PDE4B: variants seen among roughly 807,000 people sequenced by gnomAD.
The protein encoded by PDE4B is 3',5'-cyclic-AMP phosphodiesterase 4B.
A neutral mutation model predicts 82.2 loss-of-function variants in PDE4B; 20 were observed. The ratio of observed to expected loss-of-function variants is 0.24; its 90% CI spans 0.17 to 0.35. The LOEUF (loss-of-function observed/expected upper bound fraction) is 0.35. Ranked by LOEUF, PDE4B falls within the 10% of genes least tolerant of loss-of-function variation. The probability of loss-of-function intolerance (pLI) is 1.00; values close to 1 mark genes in which losing one functional copy is unlikely to be tolerated. For missense variants in PDE4B, 655 were observed against 907.2 expected, an observed-to-expected ratio of 0.72 and a Z score of 3.57; for synonymous variants, 320 against 318.9, an observed-to-expected ratio of 1.00 and a Z score of -0.04.
In PDE4B at chr1:66,142,507, T is replaced by A. The variant is rs79998259; in HGVS notation, c.282-104953T>A. 3.8e-3 allele frequency among the ~76,000 whole-genome samples: 576 copies of A among 152,272 alleles called. 3 individuals carry two copies. The highest frequency in any genetic ancestry group is 0.012 in the African/African-American group (513 of 41,556). The stretch of plus-strand genomic sequence containing the variant: ...CAACACACTAACAGTGGTTTTTTTT[T>A]AAATTTTTTTGACAGAATGCAGTGT... On this transcript the variant is annotated intron_variant, in intron 3 of 16. Coordinates refer to ENST00000341517, the MANE Select transcript of PDE4B (RefSeq NM_002600.4).
chr1:65,955,161 C>T (rs1649191370), intron 3 of PDE4B, among the ~76,000 whole-genome samples: 1 of 152,052 alleles, frequency 6.6e-6, no homozygotes, highest in Non-Finnish European at 1.5e-5. Flanking sequence ...AATACTTTGT[C>T]TTTTCTTTTA....
chr1:66,281,564 C>A (rs2101782399), intron 7 of PDE4B, among the ~76,000 whole-genome samples: 1 of 152,316 alleles, frequency 6.6e-6, no homozygotes, highest in South Asian at 2.1e-4. Context: ...TCAATCACTT[C>A]TGAGATTTTT....
At chr1:65,971,700 CAG>C (rs992972132) in intron 3 of PDE4B, among the ~76,000 whole-genome samples, 3 of 152,186 alleles carry the variant, frequency 2.0e-5, no homozygotes, top group Non-Finnish European at 2.9e-5. Flanking sequence ...TGAAAATATT[CAG>C]AGAGGATGGT....
At chr1:65,911,079 A>G (rs1397542451) in intron 1 of PDE4B, among the ~76,000 whole-genome samples, 2 of 152,184 alleles carry the variant, frequency 1.3e-5, no homozygotes, top group Admixed American at 1.3e-4. Flanking sequence ...TTGAAGGCAC[A>G]TGAATTTATA....
Position 66,203,394 on chromosome 1 carries a change from G to A in PDE4B, c.282-44066G>A, listed in dbSNP as rs192748390. Among the ~76,000 whole-genome samples, 511 of 152,260 alleles carry A rather than the reference G, an allele frequency of 3.4e-3. 2 individuals are homozygous for A. The highest frequency in any genetic ancestry group is 0.012 in the African/African-American group (488 of 41,544). ...TATTTCCTGAATCTGAAGTTGGCCTGCCTTGCTAGATTGGGGAAGTTCTCC... is the reference window on the plus strand; with the variant it reads ...TATTTCCTGAATCTGAAGTTGGCCTACCTTGCTAGATTGGGGAAGTTCTCC... On this transcript the variant is annotated intron_variant, in intron 3 of 16. Transcript: ENST00000341517.
At chr1:66,165,473 T>A (rs916065533) in intron 3 of PDE4B, among the ~76,000 whole-genome samples, 1 of 152,072 alleles carries the variant, frequency 6.6e-6, no homozygotes, top group Non-Finnish European at 1.5e-5. Context: ...GATAATATAA[T>A]TTTTATAGAG....
At chr1:65,969,549 T>C (rs553647401) in intron 3 of PDE4B, among the ~76,000 whole-genome samples, 1 of 152,322 alleles carries the variant, frequency 6.6e-6, no homozygotes, top group South Asian at 2.1e-4. Context: ...ATGTATTTAG[T>C]TGAAAAAACT....
intron 3 of PDE4B, among the ~76,000 whole-genome samples, chr1:66,201,193 A>G (rs1439096802): frequency 1.3e-5 from 2 of 152,180 alleles, no homozygotes; most frequent in Non-Finnish European, 2.9e-5. Context: ...CCAGGGATGA[A>G]GCCCACTTGA....
intron 3 of PDE4B, among the ~76,000 whole-genome samples, chr1:66,148,755 A>G (rs1557594511): frequency 6.6e-6 from 1 of 152,200 alleles, no homozygotes; most frequent in South Asian, 2.1e-4. Context: ...ATGAAATCTT[A>G]CAGTATGTGA....
chr1:65,911,554 C>T (rs1647091424), intron 1 of PDE4B, among the ~76,000 whole-genome samples: 1 of 151,758 alleles, frequency 6.6e-6, no homozygotes, highest in African/African-American at 2.4e-5. Flanking sequence ...ACTATAGAGG[C>T]CCTCAATATT....
At chr1:66,366,852 C>G (rs779975996) in intron 13 of PDE4B, among the ~76,000 whole-genome samples, 4 of 152,148 alleles carry the variant, frequency 2.6e-5, no homozygotes, top group African/African-American at 9.7e-5. Context: ...AACAAGAGTA[C>G]TCATTGGAGG....
chr1:66,294,318 T>C (rs768217964), intron 7 of PDE4B, among the ~76,000 whole-genome samples: 6 of 152,210 alleles, frequency 3.9e-5, no homozygotes, highest in Non-Finnish European at 5.9e-5. Context: ...TAAATCATTA[T>C]GGCTTAAGAG....
At chr1:66,096,511 T>TATATATATATATATATATATA (rs1557557795) in intron 3 of PDE4B, among the ~76,000 whole-genome samples, 9 of 132,940 alleles carry the variant, frequency 6.8e-5, no homozygotes, top group African/African-American at 2.6e-4. Flanking sequence ...AAAAAAATTA[T>TATATATATATATATATATATA]ATATATATAT....
intron 3 of PDE4B, among the ~76,000 whole-genome samples, chr1:66,031,824 G>C (rs542223822): frequency 6.6e-6 from 1 of 152,214 alleles, no homozygotes; most frequent in East Asian, 1.9e-4. Context: ...GTTAAATTAT[G>C]ATCTGGACTC....
intron 3 of PDE4B, among the ~76,000 whole-genome samples, chr1:66,103,220 G>A (rs533664925): frequency 3.2e-4 from 49 of 152,202 alleles, no homozygotes; most frequent in African/African-American, 1.2e-3. Context: ...TGAGCATTGT[G>A]GGGTAAGAGA....
intron 1 of PDE4B, among the ~76,000 whole-genome samples, chr1:65,825,708 AT>A (rs1646007437): frequency 1.1e-5 from 1 of 87,670 alleles, no homozygotes; most frequent in Admixed American, 1.1e-4. Context: ...AAAATTACCT[AT>A]CTATCTATCT....
chr1:66,087,692 A>G (rs1657079400), intron 3 of PDE4B, among the ~76,000 whole-genome samples: 1 of 152,072 alleles, frequency 6.6e-6, no homozygotes. Context: ...GCAGCTATAA[A>G]AAATGATGAG....
At chr1:65,961,749 A>G (rs1398764322) in intron 3 of PDE4B, among the ~76,000 whole-genome samples, 1 of 152,160 alleles carries the variant, frequency 6.6e-6, no homozygotes, top group Non-Finnish European at 1.5e-5. Flanking sequence ...TACCTAGGGA[A>G]GGTGTCATGA....
chr1:66,106,691 A>T (rs544066353), intron 3 of PDE4B, among the ~76,000 whole-genome samples: 91 of 152,170 alleles, frequency 6.0e-4, no homozygotes, highest in African/African-American at 2.2e-3. Flanking sequence ...TGAGAAATTT[A>T]TCCATTTCTT....
Sources: allele counts gnomAD v4.1 joint callset (sites outside exome capture counted in the v4.1 genomes callset), GRCh38; gene constraint gnomAD v4.1.1; transcripts MANE v1.5; gene names NCBI Gene and HGNC (gene_info 2026-07-23, HGNC 2026-07-21).